Variants in EBF1 observed in about 807,000 individuals in gnomAD.
The protein encoded by EBF1 is EBF transcription factor 1.
EBF1 carries 10 observed loss-of-function variants against 68.4 expected under a neutral mutation model. The observed-to-expected ratio is 0.15, with a 90% confidence interval of 0.09 to 0.25. The LOEUF (loss-of-function observed/expected upper bound fraction) is 0.25. Ranked by LOEUF, EBF1 falls within the 10% of genes least tolerant of loss-of-function variation. The pLI, the probability that EBF1 is intolerant of heterozygous loss-of-function variation, is 1.00. For synonymous variants in EBF1, 298 were observed against 299.8 expected, an observed-to-expected ratio of 0.99 and a Z score of 0.06; for missense variants, 509 against 794.4, an observed-to-expected ratio of 0.64 and a Z score of 4.32.
intron 6 of EBF1, among the ~76,000 whole-genome samples, chr5:158,926,415 A>C (rs1809699364): frequency 6.6e-6 from 1 of 152,216 alleles, no homozygotes; most frequent in Non-Finnish European, 1.5e-5. Context: ...GTTCCAACCC[A>C]GTATATTATT....
chr5:158,826,759 G>A lies in EBF1; in HGVS notation c.637-3442C>T, dbSNP rs964877092. Among the ~76,000 whole-genome samples, 9 of 152,146 alleles carry A rather than the reference G, an allele frequency of 5.9e-5. No individual in the cohort carries two copies. In the South Asian group the frequency reaches 1.7e-3, roughly 28 times the overall value. ...AGTATTCGTTATAAGAGAACGAGAA[G>A]GGCAAAAAAGAAGTTTCTAGCTACC... On this transcript the variant is annotated intron_variant, in intron 7 of 15. Coordinates refer to ENST00000313708, the MANE Select transcript of EBF1 (RefSeq NM_024007.5).
chr5:158,863,727 G>A (rs1483768678), intron 6 of EBF1, among the ~76,000 whole-genome samples: 1 of 152,004 alleles, frequency 6.6e-6, no homozygotes, highest in African/African-American at 2.4e-5. Flanking sequence ...CCATAATCTT[G>A]ATTTTTTTCA....
At chr5:158,863,407 C>T (rs1351844557) in intron 6 of EBF1, among the ~76,000 whole-genome samples, 2 of 152,182 alleles carry the variant, frequency 1.3e-5, no homozygotes, top group Non-Finnish European at 2.9e-5. Flanking sequence ...CCAATCTCCC[C>T]GGAATGAGAG....
intron 14 of EBF1, 58 bp from the exon 15 acceptor site, chr5:158,708,231 G>A: frequency 2.0e-6 from 3 of 1,517,908 alleles, no homozygotes; most frequent in Non-Finnish European, 2.7e-6. Context: ...CTGAAGCAAA[G>A]AAGCTCAGAT....
intron 10 of EBF1, among the ~76,000 whole-genome samples, chr5:158,737,829 G>A (rs764203719): frequency 6.6e-6 from 1 of 152,134 alleles, no homozygotes; most frequent in Admixed American, 6.5e-5. Flanking sequence ...AGGGGCACTC[G>A]GAGGAAGACT....
chr5:158,775,320 G>A (rs1388622029), intron 10 of EBF1, among the ~76,000 whole-genome samples: 2 of 151,222 alleles, frequency 1.3e-5, no homozygotes, highest in Non-Finnish European at 2.9e-5. Flanking sequence ...AACTTTTATG[G>A]CCAGGTGGCT....
chr5:158,709,246 G>A (rs1201342036), intron 14 of EBF1, among the ~76,000 whole-genome samples: 1 of 151,844 alleles, frequency 6.6e-6, no homozygotes, highest in African/African-American at 2.4e-5. Flanking sequence ...ATCAGATATT[G>A]TTTTATCATT....
intron 4 of EBF1, among the ~76,000 whole-genome samples, chr5:159,094,027 G>A (rs1218694250): frequency 1.5e-5 from 2 of 133,122 alleles, no homozygotes; most frequent in African/African-American, 5.8e-5. Flanking sequence ...TTCCTGTAAT[G>A]AGAATGGCAG....
intron 6 of EBF1, among the ~76,000 whole-genome samples, chr5:159,005,673 T>C (rs1763417935): frequency 2.0e-5 from 3 of 152,280 alleles, no homozygotes; most frequent in African/African-American, 7.2e-5. Flanking sequence ...AAAACCAGAA[T>C]ATCAACTTTT....
chr5:158,740,066 G>T (rs1213809444), intron 10 of EBF1, among the ~76,000 whole-genome samples: 7 of 152,322 alleles, frequency 4.6e-5, no homozygotes, highest in East Asian at 3.9e-4. Flanking sequence ...AAATGAAAAG[G>T]TCGCACAATA....
intron 11 of EBF1, among the ~76,000 whole-genome samples, chr5:158,726,709 T>C (rs914960138): frequency 7.2e-5 from 11 of 152,156 alleles, no homozygotes; most frequent in Admixed American, 2.0e-4. Flanking sequence ...GGTGAGAATC[T>C]ACATAAGGAT....
chr5:158,699,870 A>AG (rs1756357087), intron 15 of EBF1, among the ~76,000 whole-genome samples: 1 of 152,216 alleles, frequency 6.6e-6, no homozygotes, highest in African/African-American at 2.4e-5. Flanking sequence ...GGAAAAAAGA[A>AG]GCCTGTTTGA....
chr5:158,850,788 C>G (rs984253506), intron 6 of EBF1, among the ~76,000 whole-genome samples: 1 of 152,118 alleles, frequency 6.6e-6, no homozygotes, highest in Non-Finnish European at 1.5e-5. Context: ...GTGTGGATTG[C>G]TTGAGGTCAA....
intron 6 of EBF1, among the ~76,000 whole-genome samples, chr5:158,972,906 C>T (rs1026600056): frequency 3.9e-5 from 6 of 152,210 alleles, no homozygotes; most frequent in African/African-American, 1.4e-4. Flanking sequence ...TGTTTGCTTC[C>T]CCTAGCTATC....
At chr5:158,798,384 T>C (rs1317948450) in intron 8 of EBF1, among the ~76,000 whole-genome samples, 4 of 152,202 alleles carry the variant, frequency 2.6e-5, no homozygotes, top group African/African-American at 9.6e-5. Context: ...TTATCAGTTT[T>C]AGCTTTGGAA....
intron 4 of EBF1, among the ~76,000 whole-genome samples, chr5:159,087,988 C>T (rs1436908229): frequency 6.6e-6 from 1 of 152,110 alleles, no homozygotes; most frequent in East Asian, 1.9e-4. Context: ...AGAAGTGCTG[C>T]CTCCATGACT....
chr5:159,058,301 T>C (rs1775156196), intron 6 of EBF1, among the ~76,000 whole-genome samples: 1 of 152,224 alleles, frequency 6.6e-6, no homozygotes, highest in Non-Finnish European at 1.5e-5. Context: ...AAAGATCCTG[T>C]ATTTCATTCC....
At chr5:158,793,553 C>T (rs1331411668) in intron 9 of EBF1, among the ~76,000 whole-genome samples, 1 of 152,102 alleles carries the variant, frequency 6.6e-6, no homozygotes, top group Non-Finnish European at 1.5e-5. Flanking sequence ...CTCTTATTAA[C>T]TAGGACTTTT....
chr5:158,902,388 T>C (rs143274077), intron 6 of EBF1, among the ~76,000 whole-genome samples: 25 of 149,890 alleles, frequency 1.7e-4, no homozygotes, highest in African/African-American at 5.1e-4. Context: ...ATGATCAAAG[T>C]ACGATTAGGC....
Sources: gnomAD v4.1 joint callset for allele counts (sites outside exome capture counted in the v4.1 genomes callset) on GRCh38, gnomAD v4.1.1 for gene constraint, MANE v1.5 for transcripts, NCBI Gene and HGNC (gene_info 2026-07-23, HGNC 2026-07-21) for gene names.